SGSM3: variants seen among roughly 807,000 people sequenced by gnomAD.
SGSM3 encodes the protein small G protein signaling modulator 3, also known as RUN and SH3 containing 3.
In SGSM3, 96 loss-of-function variants were observed where a neutral mutation model predicts 100.5. The ratio of observed to expected loss-of-function variants is 0.96; its 90% CI spans 0.81 to 1.13. The LOEUF is 1.13. SGSM3 is among the 50% of genes most tolerant of loss of function. The pLI is 0.00. For missense variants in SGSM3, 1,001 were observed against 1,015.8 expected, an observed-to-expected ratio of 0.99 and a Z score of 0.20; for synonymous variants, 483 against 422.8, an observed-to-expected ratio of 1.14 and a Z score of -1.75.
chr22:40,377,426 T>C (rs935267856), intron 1 of SGSM3, among the ~76,000 whole-genome samples: 2 of 152,264 alleles, frequency 1.3e-5, no homozygotes, highest in Non-Finnish European at 2.9e-5. Flanking sequence ...TATGTCCTAC[T>C]ACATATCCTT....
chr22:40,378,127 T>TGG (rs1288732681), intron 1 of SGSM3: 2 of 152,094 alleles, frequency 1.3e-5, no homozygotes, highest in African/African-American at 2.4e-5. Context: ...AGGAGTAATA[T>TGG]GGGTTTAGTA....
chr22:40,401,713 C>T (rs761761164), intron 3 of SGSM3, 38 bp downstream of exon 3: 4 of 1,571,900 alleles, frequency 2.5e-6, no homozygotes, highest in Non-Finnish European at 3.5e-6. Flanking sequence ...GCTGTGCTCC[C>T]ACGCTGTGGT....
chr22:40,389,298 G>A (rs1161320314), intron 1 of SGSM3, among the ~76,000 whole-genome samples: 2 of 152,180 alleles, frequency 1.3e-5, no homozygotes, highest in East Asian at 1.9e-4. Flanking sequence ...GTGGTCAGGT[G>A]TGGTAAGAAC....
At chr22:40,402,544 A>C (rs1171267666) in intron 4 of SGSM3, among the ~76,000 whole-genome samples, 1 of 152,174 alleles carries the variant, frequency 6.6e-6, no homozygotes, top group Non-Finnish European at 1.5e-5. Context: ...GTTCAAGACC[A>C]ACCTAGCTAA....
At chr22:40,404,935 T>C (rs1569206211) in intron 6 of SGSM3, among the ~76,000 whole-genome samples, 1 of 152,158 alleles carries the variant, frequency 6.6e-6, no homozygotes, top group Non-Finnish European at 1.5e-5. Flanking sequence ...GCCACACGTT[T>C]TCAGGTGGTC....
intron 9 of SGSM3, 106 bp from the exon 10 acceptor site, chr22:40,406,332 C>T: frequency 6.5e-7 from 1 of 1,527,938 alleles, no homozygotes. Flanking sequence ...CCCCTGACAA[C>T]TGTGCCAAGG....
In SGSM3 at chr22:40,409,933, C is replaced by T. The variant is rs2052373704; in HGVS notation, c.*174C>T. 7.1e-7 allele frequency: 1 copy of T among 1,402,918 alleles called. No homozygotes were observed. The highest frequency in any genetic ancestry group is 9.2e-7 in the Non-Finnish European group (1 of 1,085,114). 86.9% of individuals were successfully genotyped at this position (1,402,918 alleles called of 1,614,324 possible). A position where few individuals can be genotyped will look rare whatever the true frequency, so the allele number is the denominator to read the frequency against. On this transcript the variant is annotated 3_prime_UTR_variant, in exon 22 of 22. Coordinates refer to ENST00000248929, the MANE Select transcript of SGSM3 (RefSeq NM_015705.6). The stretch of plus-strand genomic sequence containing the variant: ...TCCCAGGTGGTGGGAGCAGAGGGTA[C>T]CCTGCCCCACCAGGGTCCTTAGGGA...
At chr22:40,396,617 G>A (rs1472810455) in intron 1 of SGSM3, among the ~76,000 whole-genome samples, 8 of 137,446 alleles carry the variant, frequency 5.8e-5, no homozygotes, top group South Asian at 2.3e-4. Flanking sequence ...AAAAAAAAAA[G>A]AAGTATTTTT....
intron 1 of SGSM3, among the ~76,000 whole-genome samples, chr22:40,374,688 T>G (rs1412186180): frequency 6.6e-6 from 1 of 152,150 alleles, no homozygotes. Context: ...TCAAGACTGG[T>G]CTGGGCAACA....
intron 1 of SGSM3, among the ~76,000 whole-genome samples, chr22:40,387,791 G>A (rs1479287412): frequency 1.3e-5 from 2 of 152,158 alleles, no homozygotes; most frequent in African/African-American, 4.8e-5. Context: ...AGGGACTCAG[G>A]TAAGTAACCA....
In SGSM3 at chr22:40,410,232, G is replaced by A. The variant is rs546644076; in HGVS notation, c.*473G>A. The stretch of plus-strand genomic sequence containing the variant: ...TCAGATGCTGGGACACAACAGACCC[G>A]GGACCCAGCTGTGCTACCCACCCCT... On this transcript the variant is annotated 3_prime_UTR_variant, in exon 22 of 22. Coordinates refer to ENST00000248929, the MANE Select transcript of SGSM3 (RefSeq NM_015705.6). 136 of 1,035,736 alleles carry A rather than the reference G, an allele frequency of 1.3e-4. No individual in the cohort carries two copies. Among genetic ancestry groups the A allele is most frequent in the Admixed American group, 3.2e-4 (6 of 18,464 alleles). 64.2% of individuals were successfully genotyped at this position (1,035,736 alleles called of 1,614,324 possible).
chr22:40,409,257 G>A lies in SGSM3; in HGVS notation c.1996G>A (p.Val666Met). ...SLICVGLNEQ[V>M]LHLWLEVLCS... ...TCCTGGCCATGTCCCCAGTGAGCAG[G>A]TGCTGCACCTGTGGCTGGAGGTGCT... Residue 666 changes from valine (V) to methionine (M), a missense_variant, in exon 20 of 22, where the codon GTG (valine) becomes ATG (methionine). Coordinates refer to ENST00000248929, the MANE Select transcript of SGSM3 (RefSeq NM_015705.6). The A allele has an allele frequency of 3.1e-6, 5 of 1,607,388 alleles. No homozygotes were observed. The highest frequency in any genetic ancestry group is 4.2e-6 in the Non-Finnish European group (5 of 1,178,494).
At chr22:40,374,168 A>G (rs764430956) in intron 1 of SGSM3, among the ~76,000 whole-genome samples, 5 of 150,044 alleles carry the variant, frequency 3.3e-5, no homozygotes, top group Non-Finnish European at 7.4e-5. Flanking sequence ...TGTTAGCCAG[A>G]ATGGTCTTGA....
At chr22:40,377,387 G>A (rs1195805995) in intron 1 of SGSM3, among the ~76,000 whole-genome samples, 6 of 152,190 alleles carry the variant, frequency 3.9e-5, no homozygotes, top group South Asian at 2.1e-4. Context: ...TGTTTTCAAC[G>A]AGCTGAGTCT....
At chr22:40,396,687 T>C (rs1251450236) in intron 1 of SGSM3, among the ~76,000 whole-genome samples, 2 of 151,996 alleles carry the variant, frequency 1.3e-5, no homozygotes, top group African/African-American at 4.8e-5. Flanking sequence ...ACCATCTCTG[T>C]AGTAGTAGCA....
intron 4 of SGSM3, among the ~76,000 whole-genome samples, chr22:40,402,446 T>C (rs2050876592): frequency 6.6e-6 from 1 of 152,128 alleles, no homozygotes; most frequent in East Asian, 1.9e-4. Flanking sequence ...TGTAGAGAAG[T>C]TGAAAAATTC....
At chr22:40,404,019 T>C (rs1433324143) in intron 4 of SGSM3, 7 of 399,674 alleles carry the variant, frequency 1.8e-5, no homozygotes. Flanking sequence ...AGTACTATGG[T>C]AGGAGTGGCT....
In SGSM3 at chr22:40,407,388, G is replaced by A; in HGVS notation, c.1369-25G>A. On this transcript the variant is annotated intron_variant, in intron 12 of 21. Transcript: ENST00000248929. The surrounding 1 kb of genome is among the most constrained non-coding windows in gnomAD (Gnocchi z 4.7). ...CGGCCCTAACTCCTCCAACCCCCTT[G>A]GTGGGCCTGTGTTCACTGTGGCAGG... 6.2e-7 allele frequency: 1 copy of A among 1,611,568 alleles called. No individual in the cohort carries two copies.
intron 1 of SGSM3, among the ~76,000 whole-genome samples, chr22:40,381,466 T>C (rs1165984527): frequency 1.3e-5 from 2 of 152,184 alleles, no homozygotes; most frequent in Non-Finnish European, 2.9e-5. Flanking sequence ...ATTTTAACGA[T>C]GCAAGATAGT....
Sources: allele counts gnomAD v4.1 joint callset (sites outside exome capture counted in the v4.1 genomes callset), GRCh38; gene constraint gnomAD v4.1.1; non-coding constraint Gnocchi (gnomAD v3.1); transcripts MANE v1.5; gene names NCBI Gene and HGNC (gene_info 2026-07-23, HGNC 2026-07-21).